The following FAT3 variants were observed in gnomAD, a reference collection of about 807,000 sequenced individuals.
The protein encoded by FAT3 is FAT atypical cadherin 3.
Under a neutral mutation model 310.2 loss-of-function variants are expected in FAT3, and 95 were observed. The observed-to-expected ratio is 0.31, with a 90% CI of 0.26 to 0.36. The LOEUF (loss-of-function observed/expected upper bound fraction) is 0.36, where lower values mean the gene tolerates loss of function less well. Among genes scored for constraint, FAT3 ranks in the 10% least tolerant of loss-of-function variants. FAT3 has a pLI of 1.00. For missense variants in FAT3, 5,408 were observed against 5,715.6 expected (o/e 0.95, Z 1.74); for synonymous variants, 2,314 against 2,192.9 (o/e 1.06, Z -1.54).
chr11:92,332,634 TCCCTTGGGTA>T (rs1204831189), intron 1 of FAT3, among the ~76,000 whole-genome samples: 1 of 152,084 alleles, frequency 6.6e-6, no homozygotes, highest in East Asian at 1.9e-4. Flanking sequence ...CTGTATTCTC[TCCCTTGGGTA>T]CCCTTAAAAC....
intron 2 of FAT3, among the ~76,000 whole-genome samples, chr11:92,436,613 G>T (rs1382537584): frequency 6.6e-6 from 1 of 152,144 alleles, no homozygotes; most frequent in Non-Finnish European, 1.5e-5. Flanking sequence ...TCAGTGGTTT[G>T]GTTGGCATCA....
intron 1 of FAT3, among the ~76,000 whole-genome samples, chr11:92,236,381 C>T (rs1167256122): frequency 6.6e-6 from 1 of 152,076 alleles, no homozygotes; most frequent in Non-Finnish European, 1.5e-5. Flanking sequence ...ATTTAAATCC[C>T]CCTCTCCTTT....
intron 12 of FAT3, among the ~76,000 whole-genome samples, chr11:92,807,059 CT>C (rs1208870801): frequency 6.6e-6 from 1 of 152,068 alleles, no homozygotes; most frequent in Non-Finnish European, 1.5e-5. Context: ...ATGGTGATGA[CT>C]TTTAGTCTCT....
chr11:92,692,274 A>G (rs1943818105), intron 3 of FAT3, among the ~76,000 whole-genome samples: 1 of 152,212 alleles, frequency 6.6e-6, no homozygotes, highest in Non-Finnish European at 1.5e-5. Flanking sequence ...AATAACATTG[A>G]GAGTTCTGGA....
intron 1 of FAT3, among the ~76,000 whole-genome samples, chr11:92,245,380 T>C (rs1305589974): frequency 6.6e-6 from 1 of 152,004 alleles, no homozygotes; most frequent in Non-Finnish European, 1.5e-5. Context: ...TTAGGAGAAA[T>C]ACCTAATGTA....
chr11:92,861,942 G>T lies in FAT3; in HGVS notation c.11658+2620G>T, dbSNP rs564184471. 2.0e-5 allele frequency among the ~76,000 whole-genome samples: 3 copies of T among 152,278 alleles called. No individual in the cohort carries two copies. The South Asian group carries it at 6.2e-4, about 32-fold the overall frequency. The stretch of plus-strand genomic sequence containing the variant: ...AGGGCGCCCCTTACAGACAATTAAA[G>T]AATTGCACAGAGACCTCGAGAAGTG... On this transcript the variant is annotated intron_variant, in intron 21 of 27. Coordinates refer to ENST00000525166, the MANE Select transcript of FAT3 (RefSeq NM_001367949.2).
In FAT3 at chr11:92,895,648, G is replaced by A. The variant is rs1044683840; in HGVS notation, c.*4535G>A. The A allele has an allele frequency of 7.9e-5, 12 of 152,194 alleles. 1 individual carries two copies. Among genetic ancestry groups the A allele is most frequent in the Admixed American group, 5.2e-4 (8 of 15,282 alleles). The allele number at this position is 152,194 out of a possible 1,614,324, so 9.4% of individuals were successfully genotyped here. ...TATGAGCCCACACTACTGCATTTTGGGAGTGGCAAATGTGTTTGGAAATGG... is the reference window on the plus strand; with the variant it reads ...TATGAGCCCACACTACTGCATTTTGAGAGTGGCAAATGTGTTTGGAAATGG... On this transcript the variant is annotated 3_prime_UTR_variant, in exon 28 of 28. Transcript: ENST00000525166.
intron 3 of FAT3, among the ~76,000 whole-genome samples, chr11:92,551,901 A>G (rs1954834150): frequency 6.6e-6 from 1 of 152,218 alleles, no homozygotes; most frequent in Admixed American, 6.5e-5. Flanking sequence ...TCTCCAGGCA[A>G]ATAATGTTTT....
At chr11:92,602,135 G>T (rs531752492) in intron 3 of FAT3, among the ~76,000 whole-genome samples, 1 of 151,752 alleles carries the variant, frequency 6.6e-6, no homozygotes, top group Non-Finnish European at 1.5e-5. Flanking sequence ...GTGCAATGGC[G>T]CAATCTCGGC....
intron 1 of FAT3, among the ~76,000 whole-genome samples, chr11:92,306,890 A>C (rs1947155438): frequency 6.7e-6 from 1 of 148,430 alleles, no homozygotes; most frequent in South Asian, 2.1e-4. Context: ...TCCTGGGCTT[A>C]AGTGATTCTG....
intron 1 of FAT3, among the ~76,000 whole-genome samples, chr11:92,250,279 C>A (rs1365290802): frequency 6.6e-6 from 1 of 152,048 alleles, no homozygotes; most frequent in Non-Finnish European, 1.5e-5. Flanking sequence ...GTTTGATAGG[C>A]AGATCTTAAA....
chr11:92,874,808 G>A (rs1949490323), intron 22 of FAT3, among the ~76,000 whole-genome samples: 1 of 152,062 alleles, frequency 6.6e-6, no homozygotes, highest in South Asian at 2.1e-4. Context: ...TAAAATGCTG[G>A]CATTACAGGC....
At chr11:92,321,179 G>T (rs896420342) in intron 1 of FAT3, among the ~76,000 whole-genome samples, 3 of 152,126 alleles carry the variant, frequency 2.0e-5, no homozygotes, top group African/African-American at 7.2e-5. Flanking sequence ...GCTCACTCCT[G>T]TAATCCCAGC....
chr11:92,496,562 A>T (rs1952771980), intron 2 of FAT3, among the ~76,000 whole-genome samples: 1 of 151,768 alleles, frequency 6.6e-6, no homozygotes, highest in Non-Finnish European at 1.5e-5. Flanking sequence ...CCCTGCACTT[A>T]TTGTCACCTA....
At chr11:92,294,281 C>A (rs771961803) in intron 1 of FAT3, among the ~76,000 whole-genome samples, 9 of 151,986 alleles carry the variant, frequency 5.9e-5, no homozygotes, top group Non-Finnish European at 1.2e-4. Flanking sequence ...CCCTTATAAC[C>A]CCATTTAACC....
intron 14 of FAT3, among the ~76,000 whole-genome samples, chr11:92,832,741 G>A (rs575904184): frequency 1.4e-4 from 21 of 152,214 alleles, no homozygotes; most frequent in Admixed American, 7.2e-4. Flanking sequence ...GCACATGTTG[G>A]AAAATGTTCA....
At chr11:92,338,081 A>G (rs1948140832) in intron 1 of FAT3, among the ~76,000 whole-genome samples, 1 of 152,206 alleles carries the variant, frequency 6.6e-6, no homozygotes, top group Non-Finnish European at 1.5e-5. Flanking sequence ...AGGTTAAACA[A>G]ATTTTCCCTG....
At chr11:92,517,375 A>AAAG (rs1953522485) in intron 2 of FAT3, among the ~76,000 whole-genome samples, 3 of 147,954 alleles carry the variant, frequency 2.0e-5, no homozygotes, top group Admixed American at 6.7e-5. Context: ...AACAAGTCAT[A>AAAG]GATTCCCTAT....
chr11:92,551,168 A>G (rs1207285821), intron 3 of FAT3, among the ~76,000 whole-genome samples: 1 of 152,024 alleles, frequency 6.6e-6, no homozygotes, highest in Non-Finnish European at 1.5e-5. Context: ...GAGGTGAGCA[A>G]ATACCTCAAT....
Sources: gnomAD v4.1 joint callset for allele counts (sites outside exome capture counted in the v4.1 genomes callset) on GRCh38, gnomAD v4.1.1 for gene constraint, MANE v1.5 for transcripts, NCBI Gene and HGNC (gene_info 2026-07-23, HGNC 2026-07-21) for gene names.